STAG1: variants seen among roughly 807,000 people sequenced by gnomAD.
The protein encoded by STAG1 is STAG1 cohesin complex component.
Under a neutral mutation model 170.9 loss-of-function variants are expected in STAG1, and 26 were observed. The ratio of observed to expected loss-of-function variants is 0.15; its 90% confidence interval spans 0.11 to 0.21. The LOEUF (loss-of-function observed/expected upper bound fraction) is 0.21, where lower values mean the gene tolerates loss of function less well. Among genes scored for constraint, STAG1 ranks in the 10% least tolerant of loss-of-function variants. The pLI is 1.00. For missense variants in STAG1, 964 were observed against 1,509.5 expected, an observed-to-expected ratio of 0.64 and a Z score of 5.99; for synonymous variants, 514 against 497.7, an observed-to-expected ratio of 1.03 and a Z score of -0.44.
At chr3:136,649,153 T>G (rs1941129359) in intron 1 of STAG1, among the ~76,000 whole-genome samples, 1 of 152,156 alleles carries the variant, frequency 6.6e-6, no homozygotes, top group Non-Finnish European at 1.5e-5. Flanking sequence ...CCCTGAAACA[T>G]TCTATTCACT....
chr3:136,592,962 A>T (rs1938258962), intron 4 of STAG1, among the ~76,000 whole-genome samples: 1 of 152,214 alleles, frequency 6.6e-6, no homozygotes, highest in Admixed American at 6.5e-5. Context: ...ACAACCTGGC[A>T]ATAATAATTT....
intron 9 of STAG1, among the ~76,000 whole-genome samples, chr3:136,492,544 AT>A (rs1014972536): frequency 1.3e-5 from 2 of 152,190 alleles, no homozygotes; most frequent in African/African-American, 4.8e-5. Flanking sequence ...CAAAAACCAA[AT>A]TGCACAAAAT....
chr3:136,642,653 C>A (rs1940848027), intron 1 of STAG1, among the ~76,000 whole-genome samples: 1 of 152,166 alleles, frequency 6.6e-6, no homozygotes, highest in South Asian at 2.1e-4. Context: ...CTCCCTTTAT[C>A]TTTTATTCTT....
chr3:136,694,902 A>G (rs1260208400), intron 1 of STAG1, among the ~76,000 whole-genome samples: 1 of 152,186 alleles, frequency 6.6e-6, no homozygotes, highest in Non-Finnish European at 1.5e-5. Flanking sequence ...AAGTGAGGAA[A>G]TATCACAATA....
intron 1 of STAG1, among the ~76,000 whole-genome samples, chr3:136,689,424 G>A (rs1264232327): frequency 7.9e-5 from 12 of 152,102 alleles, no homozygotes; most frequent in Admixed American, 7.2e-4. Flanking sequence ...TCTCAATACT[G>A]TTTTATAAAA....
intron 1 of STAG1, among the ~76,000 whole-genome samples, chr3:136,646,186 C>A (rs982798871): frequency 6.6e-6 from 1 of 152,130 alleles, no homozygotes; most frequent in African/African-American, 2.4e-5. Flanking sequence ...TGAATGATTA[C>A]CTAAACCACT....
intron 8 of STAG1, among the ~76,000 whole-genome samples, chr3:136,500,692 G>A (rs535289133): frequency 5.9e-5 from 9 of 152,152 alleles, no homozygotes; most frequent in Non-Finnish European, 1.2e-4. Flanking sequence ...TGTTCTAAAA[G>A]TAACTTCCTA....
chr3:136,560,236 A>G (rs578136456), intron 5 of STAG1, among the ~76,000 whole-genome samples: 1 of 152,350 alleles, frequency 6.6e-6, no homozygotes, highest in South Asian at 2.1e-4. Flanking sequence ...CTAAGAAAGA[A>G]GGTTGCTTTT....
chr3:136,665,732 A>C (rs577110108), intron 1 of STAG1, among the ~76,000 whole-genome samples: 75 of 149,026 alleles, frequency 5.0e-4, no homozygotes, highest in African/African-American at 1.8e-3. Context: ...GTGAGCCAAG[A>C]TCACGCCACT....
rs1939940779 is a variant in STAG1, at chr3:136,623,153, C to T, written c.125G>A (p.Arg42Gln). 1 of 1,613,032 alleles carries T rather than the reference C, an allele frequency of 6.2e-7. No individual in the cohort carries two copies. Among genetic ancestry groups the T allele is most frequent in the Non-Finnish European group, 8.5e-7 (1 of 1,179,362 alleles). Residue 42 changes from arginine (R) to glutamine (Q), a missense_variant, in exon 3 of 34, where the codon CGG becomes CAG. Arg to Gln is a conservative substitution (Grantham distance 43, BLOSUM62 1). This residue lies in a region of STAG1 where 108 missense variants were observed against 120.2 expected (regional missense o/e 0.90). Transcript: ENST00000383202. Reference sequence around the variant, plus strand: ...GACAAGCATAATACATACTGGAGGCCGGCCAGGACGACCCCTTTTTCTTTT... The same window carrying T: ...GACAAGCATAATACATACTGGAGGCTGGCCAGGACGACCCCTTTTTCTTTT... ...KGKRKRGRPG[R>Q]PPSTNKKPRK...
At chr3:136,709,941 A>T (rs1235537585) in intron 1 of STAG1, among the ~76,000 whole-genome samples, 1 of 152,142 alleles carries the variant, frequency 6.6e-6, no homozygotes, top group Non-Finnish European at 1.5e-5. Context: ...AGGCTAAGGC[A>T]TGAGAATCGC....
chr3:136,639,899 T>C (rs1172103341), intron 1 of STAG1, among the ~76,000 whole-genome samples: 1 of 152,212 alleles, frequency 6.6e-6, no homozygotes, highest in African/African-American at 2.4e-5. Flanking sequence ...TGAAAAAGTA[T>C]ACATGTATAT....
chr3:136,411,731 A>C (rs2087628959), intron 21 of STAG1, among the ~76,000 whole-genome samples: 1 of 152,126 alleles, frequency 6.6e-6, no homozygotes, highest in Non-Finnish European at 1.5e-5. Context: ...CAGGTGGATC[A>C]CAAGGTCAGG....
At chr3:136,518,046 T>C (rs914610256) in intron 7 of STAG1, 4 of 206,400 alleles carry the variant, frequency 1.9e-5, no homozygotes, top group Non-Finnish European at 3.8e-5. Context: ...AACTATATAA[T>C]GATAAAAAAA....
chr3:136,465,926 C>A (rs973665366), intron 12 of STAG1, among the ~76,000 whole-genome samples: 2 of 152,050 alleles, frequency 1.3e-5, no homozygotes, highest in Non-Finnish European at 2.9e-5. Flanking sequence ...TGCCTGCCAT[C>A]CCAGCTACTT....
intron 5 of STAG1, among the ~76,000 whole-genome samples, chr3:136,547,782 T>C (rs930858013): frequency 1.3e-5 from 2 of 152,244 alleles, no homozygotes; most frequent in Non-Finnish European, 2.9e-5. Flanking sequence ...CATGAATTCA[T>C]TGCCAAGACC....
At chr3:136,363,047 G>GC (rs998196740) in intron 26 of STAG1, among the ~76,000 whole-genome samples, 1 of 151,944 alleles carries the variant, frequency 6.6e-6, no homozygotes, top group African/African-American at 2.4e-5. Context: ...ATCTCCTGGT[G>GC]CCCTTCCTCA....
intron 1 of STAG1, among the ~76,000 whole-genome samples, chr3:136,640,048 T>C (rs1258280393): frequency 1.3e-5 from 2 of 152,158 alleles, no homozygotes; most frequent in African/African-American, 2.4e-5. Flanking sequence ...CTGTAAGTTT[T>C]TGAAGAAAGA....
intron 8 of STAG1, among the ~76,000 whole-genome samples, chr3:136,500,502 T>A (rs574984368): frequency 6.6e-6 from 1 of 152,328 alleles, no homozygotes; most frequent in South Asian, 2.1e-4. Flanking sequence ...TTTCACTGTC[T>A]CTCTCTAGAC....
Sources: allele counts gnomAD v4.1 joint callset (sites outside exome capture counted in the v4.1 genomes callset), GRCh38; gene constraint gnomAD v4.1.1; regional missense constraint gnomAD v4.1.1; transcripts MANE v1.5; gene names NCBI Gene and HGNC (gene_info 2026-07-23, HGNC 2026-07-21).